CAST: variants seen among roughly 807,000 people sequenced by gnomAD.
CAST encodes the protein calpastatin.
In CAST, 76 loss-of-function variants were observed where a neutral mutation model predicts 119.6. The observed-to-expected ratio is 0.64, with a 90% confidence interval of 0.53 to 0.77. The LOEUF (loss-of-function observed/expected upper bound fraction) is 0.77. CAST is among the 30% of genes least tolerant of loss of function. The pLI is 0.00. For synonymous variants in CAST, 319 were observed against 331.6 expected, an observed-to-expected ratio of 0.96 and a Z score of 0.41; for missense variants, 953 against 946.5, an observed-to-expected ratio of 1.01 and a Z score of -0.09.
chr5:96,614,923 T>A (rs952485814), intron 1 of CAST, among the ~76,000 whole-genome samples: 23 of 151,684 alleles, frequency 1.5e-4, no homozygotes, highest in Non-Finnish European at 2.9e-4. Context: ...GGGGAGGCCC[T>A]CAGCGCTGCC....
intron 1 of CAST, 124 bp from the exon 2 acceptor site, chr5:96,675,415 T>C: frequency 1.5e-6 from 1 of 656,586 alleles, no homozygotes; most frequent in South Asian, 1.9e-5. Flanking sequence ...TTACCAGCAT[T>C]CTCAGGAGGA....
At chr5:96,194,880 C>A in the CAST span, among the ~76,000 whole-genome samples, 1 of 151,992 alleles carries the variant, frequency 6.6e-6, no homozygotes, top group Non-Finnish European at 1.5e-5. Flanking sequence ...GGTTTAGGGA[C>A]CTAGTTCTGG....
At chr5:96,288,106 T>C in the CAST span, among the ~76,000 whole-genome samples, 1 of 152,162 alleles carries the variant, frequency 6.6e-6, no homozygotes, top group Non-Finnish European at 1.5e-5. Context: ...GGAAGGGCTT[T>C]GGTTTTTAAA....
At chr5:96,521,962 A>G (rs1210566013), upstream of CAST, among the ~76,000 whole-genome samples, 2 of 152,108 alleles carry the variant, frequency 1.3e-5, no homozygotes, top group Non-Finnish European at 2.9e-5. Flanking sequence ...AAAAATACAA[A>G]AAAATTAGCC....
chr5:96,022,778 C>CT, the CAST span, among the ~76,000 whole-genome samples: 1 of 152,114 alleles, frequency 6.6e-6, no homozygotes, highest in East Asian at 1.9e-4. Flanking sequence ...GGCAGGTAAT[C>CT]TGGCAGCCTA....
chr5:96,142,089 CATTCCA>C, the CAST span, among the ~76,000 whole-genome samples: 1 of 152,262 alleles, frequency 6.6e-6, no homozygotes, highest in Admixed American at 6.5e-5. Context: ...TCAATGTAGA[CATTCCA>C]ATTGGCTATA....
chr5:96,030,273 C>G, the CAST span, among the ~76,000 whole-genome samples: 3 of 152,062 alleles, frequency 2.0e-5, no homozygotes, highest in Non-Finnish European at 4.4e-5. Context: ...GTTTTGTTGT[C>G]AAGATAGGAT....
the CAST span, among the ~76,000 whole-genome samples, chr5:95,996,810 T>C: frequency 1.3e-5 from 2 of 152,128 alleles, no homozygotes; most frequent in Non-Finnish European, 2.9e-5. Context: ...TGGATGCACA[T>C]GGTCCATAGA....
At chr5:96,425,384 A>G in the CAST span, among the ~76,000 whole-genome samples, 6 of 152,206 alleles carry the variant, frequency 3.9e-5, no homozygotes, top group African/African-American at 1.4e-4. Flanking sequence ...CCTCTTTCAG[A>G]GATTCTCATC....
chr5:96,607,090 C>T (rs1052519818), intron 1 of CAST, among the ~76,000 whole-genome samples: 2 of 152,146 alleles, frequency 1.3e-5, no homozygotes, highest in Admixed American at 6.5e-5. Flanking sequence ...AGATCAAGAC[C>T]ATCCTGGCTA....
chr5:95,990,498 TAGAA>T, the CAST span, among the ~76,000 whole-genome samples: 1 of 152,000 alleles, frequency 6.6e-6, no homozygotes, highest in Non-Finnish European at 1.5e-5. Context: ...TGAAAAATAG[TAGAA>T]AGAAGAAAAA....
At chr5:96,131,392 G>A in the CAST span, among the ~76,000 whole-genome samples, 7 of 151,588 alleles carry the variant, frequency 4.6e-5, no homozygotes, top group Non-Finnish European at 1.0e-4. Flanking sequence ...ATGGAATGCA[G>A]CTGTAAATTT....
At chr5:96,481,631 A>G in the CAST span, among the ~76,000 whole-genome samples, 1 of 152,204 alleles carries the variant, frequency 6.6e-6, no homozygotes, top group Non-Finnish European at 1.5e-5. Flanking sequence ...ATCTTTTCTC[A>G]TGAGAAAATC....
the CAST span, among the ~76,000 whole-genome samples, chr5:96,402,584 C>T: frequency 6.6e-6 from 1 of 152,166 alleles, no homozygotes; most frequent in African/African-American, 2.4e-5. Flanking sequence ...TTCGGGGCTC[C>T]CTCAGCAGTG....
At chr5:96,029,543 C>T in the CAST span, among the ~76,000 whole-genome samples, 9 of 152,054 alleles carry the variant, frequency 5.9e-5, no homozygotes, top group East Asian at 7.7e-4. Context: ...AAAAATATTT[C>T]GAAATGAATT....
chr5:96,524,393 C>A (rs1469016998), upstream of CAST, among the ~76,000 whole-genome samples: 2 of 152,186 alleles, frequency 1.3e-5, no homozygotes, highest in Non-Finnish European at 2.9e-5. Context: ...CTGAATAAAG[C>A]AAACTTGGGT....
chr5:96,680,450 C>T (rs1362348505), intron 2 of CAST, among the ~76,000 whole-genome samples: 1 of 150,426 alleles, frequency 6.6e-6, no homozygotes, highest in Non-Finnish European at 1.5e-5. Context: ...GAAATGGGCA[C>T]TATGTACATC....
the CAST span, among the ~76,000 whole-genome samples, chr5:96,425,056 GAA>G: frequency 9.1e-5 from 11 of 120,408 alleles, no homozygotes; most frequent in Non-Finnish European, 2.1e-4. Flanking sequence ...AAGAAAGAAA[GAA>G]AGAAAGAAAG....
the CAST span, among the ~76,000 whole-genome samples, chr5:96,156,034 C>T: frequency 5.3e-5 from 8 of 152,298 alleles, no homozygotes; most frequent in African/African-American, 1.9e-4. Flanking sequence ...TTAACCTATG[C>T]GGAAAGTAAA....
Sources: gnomAD v4.1 joint callset for allele counts (sites outside exome capture counted in the v4.1 genomes callset) on GRCh38, gnomAD v4.1.1 for gene constraint, MANE v1.5 for transcripts, NCBI Gene and HGNC (gene_info 2026-07-23, HGNC 2026-07-21) for gene names.